Variants in SOX5 observed in about 807,000 individuals in gnomAD.
The protein encoded by SOX5 is transcription factor SOX-5.
In SOX5, 9 loss-of-function variants were observed where a neutral mutation model predicts 92.0. The ratio of observed to expected loss-of-function variants is 0.10; its 90% CI spans 0.06 to 0.17. The LOEUF is 0.17. Ranked by LOEUF, SOX5 falls within the 10% of genes least tolerant of loss-of-function variation. SOX5 has a pLI of 1.00. For synonymous variants in SOX5, 344 were observed against 336.3 expected (o/e 1.02, Z -0.25); for missense variants, 642 against 944.5 (o/e 0.68, Z 4.20).
At chr12:24,109,726 A>G (rs1294421718) in intron 4 of SOX5, among the ~76,000 whole-genome samples, 1 of 152,228 alleles carries the variant, frequency 6.6e-6, no homozygotes, top group Non-Finnish European at 1.5e-5. Context: ...AACAACAACA[A>G]TGAAAATCAT....
intron 9 of SOX5, among the ~76,000 whole-genome samples, chr12:23,580,415 T>C (rs1371688484): frequency 1.3e-5 from 2 of 152,024 alleles, no homozygotes; most frequent in Non-Finnish European, 2.9e-5. Context: ...ATTCTATACA[T>C]TAAAAAGTTA....
At chr12:24,429,789 ATTC>A (rs1434233566) in intron 1 of SOX5, among the ~76,000 whole-genome samples, 2 of 152,194 alleles carry the variant, frequency 1.3e-5, no homozygotes, top group South Asian at 2.1e-4. Flanking sequence ...ACTCTAAATT[ATTC>A]TTATTTGGGT....
At chr12:23,646,546 T>C (rs1012484672) in intron 7 of SOX5, among the ~76,000 whole-genome samples, 8 of 152,216 alleles carry the variant, frequency 5.3e-5, no homozygotes, top group African/African-American at 1.7e-4. Flanking sequence ...CTCTGTAGCA[T>C]GTGATGCTAA....
Position 24,242,496 on chromosome 12 carries a change from CTAATA to C in SOX5, c.-76-29084_-76-29080del, listed in dbSNP as rs139612403. On this transcript the variant is annotated intron_variant, in intron 3 of 4. Transcript: ENST00000446891. The stretch of plus-strand genomic sequence containing the variant: ...AAAACACTGGAAGATAAGAAATAGA[CTAATA>C]TAAAAGATTCATTTTCAACTTTCTA... Among the ~76,000 whole-genome samples, 507 of 152,238 alleles carry C rather than the reference CTAATA, an allele frequency of 3.3e-3. 5 individuals carry two copies. Among genetic ancestry groups the C allele is most frequent in the African/African-American group, 0.012 (492 of 41,540 alleles).
intron 4 of SOX5, among the ~76,000 whole-genome samples, chr12:24,173,772 T>G (rs1440105400): frequency 2.6e-5 from 4 of 152,166 alleles, no homozygotes; most frequent in Non-Finnish European, 5.9e-5. Flanking sequence ...CTCAGGAATT[T>G]TTATGAACGT....
intron 1 of SOX5, among the ~76,000 whole-genome samples, chr12:24,437,792 G>C (rs763632497): frequency 6.6e-6 from 1 of 152,222 alleles, no homozygotes; most frequent in Non-Finnish European, 1.5e-5. Context: ...ACAGATGCTG[G>C]AGAGGACATG....
chr12:24,046,102 C>T (rs754665647), intron 4 of SOX5, among the ~76,000 whole-genome samples: 1 of 152,206 alleles, frequency 6.6e-6, no homozygotes, highest in Non-Finnish European at 1.5e-5. Flanking sequence ...TACATTGTTC[C>T]TTCCTGACTA....
At chr12:23,978,189 A>G (rs1949133494) in intron 4 of SOX5, among the ~76,000 whole-genome samples, 1 of 152,214 alleles carries the variant, frequency 6.6e-6, no homozygotes. Flanking sequence ...AATTTCCAAG[A>G]ACAGATTGAC....
intron 3 of SOX5, among the ~76,000 whole-genome samples, chr12:24,272,586 AATTT>A (rs1043146790): frequency 6.6e-6 from 1 of 152,160 alleles, no homozygotes; most frequent in Admixed American, 6.5e-5. Flanking sequence ...CAGATGTTGA[AATTT>A]ATTAAATGCC....
rs542124689 is a variant in SOX5, at chr12:23,853,171, A to ATT, written c.271-6980_271-6979dup. Among the ~76,000 whole-genome samples the ATT allele has an allele frequency of 5.4e-3, 814 of 150,380 alleles. 3 individuals are homozygous for ATT. The highest frequency in any genetic ancestry group is 8.5e-3 in the Non-Finnish European group (573 of 67,674). ...ACATATTGTAAAAGAATGACTTTGAATTTTTTAATAGTCATTTTGGCATTT... is the reference window on the plus strand; with the variant it reads ...ACATATTGTAAAAGAATGACTTTGAATTTTTTTTAATAGTCATTTTGGCATTT... On this transcript the variant is annotated intron_variant, in intron 2 of 14. Coordinates refer to ENST00000451604, the MANE Select transcript of SOX5 (RefSeq NM_006940.6).
intron 1 of SOX5, among the ~76,000 whole-genome samples, chr12:24,401,360 A>C (rs975610688): frequency 4.0e-5 from 6 of 151,306 alleles, no homozygotes; most frequent in African/African-American, 1.5e-4. Flanking sequence ...TCAGGGGAAA[A>C]AAAAAAAAAA....
intron 1 of SOX5, among the ~76,000 whole-genome samples, chr12:24,425,906 T>C (rs1347051608): frequency 1.3e-5 from 2 of 152,162 alleles, no homozygotes; most frequent in African/African-American, 4.8e-5. Context: ...CTCATCCACA[T>C]CACCTAAATC....
chr12:23,927,189 C>T (rs1940190850), intron 1 of SOX5, among the ~76,000 whole-genome samples: 1 of 152,074 alleles, frequency 6.6e-6, no homozygotes, highest in Non-Finnish European at 1.5e-5. Context: ...ACCATTATAG[C>T]AGTTATTCAA....
intron 1 of SOX5, among the ~76,000 whole-genome samples, chr12:23,930,371 AG>A (rs1279175675): frequency 2.6e-5 from 4 of 151,832 alleles, no homozygotes; most frequent in Non-Finnish European, 4.4e-5. Context: ...TTTGATATTC[AG>A]ACTTGTGTTT....
intron 4 of SOX5, among the ~76,000 whole-genome samples, chr12:24,055,069 G>C (rs904157317): frequency 1.3e-5 from 2 of 152,006 alleles, no homozygotes; most frequent in African/African-American, 4.8e-5. Flanking sequence ...AAAAAATGAG[G>C]ATAAAAAGAT....
intron 4 of SOX5, among the ~76,000 whole-genome samples, chr12:24,163,992 ATAG>A (rs1372075656): frequency 1.3e-5 from 2 of 152,158 alleles, no homozygotes; most frequent in Non-Finnish European, 1.5e-5. Flanking sequence ...TATAAATTAA[ATAG>A]TATAGTATAT....
intron 1 of SOX5, among the ~76,000 whole-genome samples, chr12:24,479,152 T>A (rs1421453901): frequency 6.6e-6 from 1 of 152,172 alleles, no homozygotes; most frequent in Non-Finnish European, 1.5e-5. Context: ...GAAATGTCAT[T>A]TCTCTGCATC....
intron 8 of SOX5, among the ~76,000 whole-genome samples, chr12:23,615,564 T>C (rs930961937): frequency 3.3e-5 from 5 of 152,188 alleles, no homozygotes; most frequent in South Asian, 4.1e-4. Flanking sequence ...GAAGTTCTTA[T>C]CATTTAGCTC....
intron 4 of SOX5, among the ~76,000 whole-genome samples, chr12:23,958,810 A>G (rs915704448): frequency 6.6e-5 from 10 of 151,864 alleles, no homozygotes; most frequent in East Asian, 1.9e-4. Context: ...TTAGTAAAAT[A>G]TATATTAAAG....
Sources: gnomAD v4.1 joint callset for allele counts (sites outside exome capture counted in the v4.1 genomes callset) on GRCh38, gnomAD v4.1.1 for gene constraint, MANE v1.5 for transcripts, NCBI Gene and HGNC (gene_info 2026-07-23, HGNC 2026-07-21) for gene names.